Variants in C5orf46 observed in about 807,000 individuals in gnomAD.
The protein encoded by C5orf46 is uncharacterized protein C5orf46.
A neutral mutation model predicts 8.9 loss-of-function variants in C5orf46; 9 were observed. That is an observed-to-expected ratio of 1.01 (90% CI 0.61 to 1.76). The LOEUF (loss-of-function observed/expected upper bound fraction) is 1.76, where lower values mean the gene tolerates loss of function less well. Among genes scored for constraint, C5orf46 ranks in the 40% most tolerant of loss-of-function variants. The pLI, the probability that C5orf46 is intolerant of heterozygous loss-of-function variation, is 0.00. For missense variants in C5orf46, 98 were observed against 107.8 expected (o/e 0.91, Z 0.40); for synonymous variants, 47 against 41.4 (o/e 1.14, Z -0.52).
chr5:147,888,675 A>G (rs897556880), downstream of C5orf46, among the ~76,000 whole-genome samples: 4 of 152,148 alleles, frequency 2.6e-5, no homozygotes, highest in Non-Finnish European at 4.4e-5. Context: ...CACATCTGTG[A>G]CAGCTTCCAA....
downstream of C5orf46, among the ~76,000 whole-genome samples, chr5:147,890,441 A>C (rs542919632): frequency 4.6e-5 from 7 of 152,320 alleles, no homozygotes; most frequent in African/African-American, 1.7e-4. Flanking sequence ...ATTACATTTT[A>C]ATGAAGGTAG....
At chr5:147,891,604 T>C (rs1047261034), downstream of C5orf46, among the ~76,000 whole-genome samples, 1 of 152,124 alleles carries the variant, frequency 6.6e-6, no homozygotes, top group Non-Finnish European at 1.5e-5. Flanking sequence ...CACATATAAG[T>C]AGTGTATTAA....
At chr5:147,887,441 C>A (rs1290206471) in intron 2 of C5orf46, 1 of 152,250 alleles carries the variant, frequency 6.6e-6, no homozygotes, top group East Asian at 1.9e-4. Context: ...TTAACTCTCT[C>A]ATTATCAAAT....
chr5:147,899,377 G>A (rs1212304196), intron 2 of C5orf46, among the ~76,000 whole-genome samples: 4 of 152,148 alleles, frequency 2.6e-5, no homozygotes, highest in Non-Finnish European at 5.9e-5. Context: ...GTCTTCCCTT[G>A]AGCAGGGAGT....
rs371515729 is a variant in C5orf46 at position 147,896,590 on chromosome 5, TCTC to T, written c.*9+391_*9+393del. 3.6e-3 allele frequency among the ~76,000 whole-genome samples: 548 copies of T among 152,266 alleles called. 4 individuals carry two copies. The highest frequency in any genetic ancestry group is 0.013 in the African/African-American group (531 of 41,562). ...GTGAGATAGAAAGTTTGTTATCCTTTCTCTCTGAATTAGGTTCAGCAAATTTCA... is the reference window on the plus strand; with the variant it reads ...GTGAGATAGAAAGTTTGTTATCCTTTTCTGAATTAGGTTCAGCAAATTTCA... On this transcript the variant is annotated intron_variant, in intron 3 of 3. Coordinates refer to ENST00000318315, the MANE Select transcript of C5orf46 (RefSeq NM_206966.3).
chr5:147,895,762 T>A (rs1757570059), intron 3 of C5orf46, among the ~76,000 whole-genome samples: 1 of 152,158 alleles, frequency 6.6e-6, no homozygotes, highest in Non-Finnish European at 1.5e-5. Context: ...AAGATGGGAA[T>A]GAAGACATAC....
chr5:147,900,897 T>C (rs1038146879), intron 2 of C5orf46, among the ~76,000 whole-genome samples: 1 of 152,156 alleles, frequency 6.6e-6, no homozygotes, highest in Non-Finnish European at 1.5e-5. Context: ...TACAGTGTAG[T>C]AGTGTCAAAT....
chr5:147,902,452 T>A (rs1214190521), intron 1 of C5orf46, among the ~76,000 whole-genome samples: 2 of 152,098 alleles, frequency 1.3e-5, no homozygotes, highest in East Asian at 3.9e-4. Context: ...ACCCTGTCTC[T>A]GAGAAATAAA....
intron 3 of C5orf46, among the ~76,000 whole-genome samples, chr5:147,895,234 T>C (rs1231506881): frequency 6.6e-6 from 1 of 151,676 alleles, no homozygotes; most frequent in Non-Finnish European, 1.5e-5. Flanking sequence ...AGGCCAGGAG[T>C]TCAACACCAG....
In C5orf46 at chr5:147,903,161, C is replaced by G. The variant is rs144206502; in HGVS notation, c.71-1388G>C. On this transcript the variant is annotated intron_variant, in intron 1 of 3. Coordinates refer to ENST00000318315, the MANE Select transcript of C5orf46 (RefSeq NM_206966.3). ...AAGAGTGACAGTAGCTACATGTGGT[C>G]GCCCCTCTGAGCCCTGGTCACAGGA... 9.9e-4 allele frequency among the ~76,000 whole-genome samples: 151 copies of G among 152,226 alleles called. 1 individual carries two copies. Among genetic ancestry groups the G allele is most frequent in the African/African-American group, 3.5e-3 (147 of 41,522 alleles).
intron 2 of C5orf46, among the ~76,000 whole-genome samples, chr5:147,899,672 T>C (rs1757638088): frequency 6.6e-6 from 1 of 152,302 alleles, no homozygotes; most frequent in South Asian, 2.1e-4. Flanking sequence ...ACAAATATTA[T>C]GACACTGTAA....
chr5:147,901,960 A>T (rs1757678773), intron 1 of C5orf46, among the ~76,000 whole-genome samples, 187 bp from the exon 2 acceptor site: 1 of 152,186 alleles, frequency 6.6e-6, no homozygotes, highest in Non-Finnish European at 1.5e-5. Flanking sequence ...ATTTATTTGT[A>T]AAAACAAACA....
chr5:147,893,907 A>ATAT (rs1757542484), intron 3 of C5orf46, among the ~76,000 whole-genome samples: 1 of 142,806 alleles, frequency 7.0e-6, no homozygotes, highest in African/African-American at 2.5e-5. Flanking sequence ...GGGAAGGCAT[A>ATAT]TTTTTTTTTT....
chr5:147,896,399 A>G (rs1219198768), intron 3 of C5orf46, among the ~76,000 whole-genome samples: 1 of 152,204 alleles, frequency 6.6e-6, no homozygotes, highest in African/African-American at 2.4e-5. Context: ...AATGCCTAAA[A>G]CAGAGTAAGA....
chr5:147,892,357 TTTA>T (rs1329307616), downstream of C5orf46, among the ~76,000 whole-genome samples: 2 of 152,220 alleles, frequency 1.3e-5, no homozygotes, highest in African/African-American at 4.8e-5. Context: ...AGGCAATGAT[TTTA>T]TTAATTTTAA....
Position 147,901,661 on chromosome 5 carries a change from G to A in C5orf46, c.183C>T (p.Val61=), listed in dbSNP as rs137923058. 27 of 1,613,892 alleles carry A rather than the reference G, an allele frequency of 1.7e-5. 1 individual carries two copies. Among genetic ancestry groups the A allele is most frequent in the Admixed American group, 6.7e-5 (4 of 59,998 alleles). Residue 61 remains valine, a synonymous_variant, in exon 2 of 4, where the codon GTC becomes GTT. Transcript: ENST00000318315. ...LLGTEIIENA[V]EFILRSMSRS... ...TGGACATGGAGCGGAGGATGAACTCGACTGCATTCTCAATGATCTCTGTGC... is the reference window on the plus strand; with the variant it reads ...TGGACATGGAGCGGAGGATGAACTCAACTGCATTCTCAATGATCTCTGTGC...
intron 2 of C5orf46, 37 bp downstream of exon 2, chr5:147,901,592 G>A: frequency 6.2e-7 from 1 of 1,601,364 alleles, no homozygotes; most frequent in Non-Finnish European, 8.5e-7. Context: ...TATCAACAGA[G>A]AATTGGACAA....
Position 147,901,752 on chromosome 5 carries a change from T to C in C5orf46, c.92A>G (p.Asp31Gly), listed in dbSNP as rs775416789. 6.2e-7 allele frequency: 1 copy of C among 1,613,862 alleles called. No individual in the cohort carries two copies. Among genetic ancestry groups the C allele is most frequent in the Non-Finnish European group, 8.5e-7 (1 of 1,179,908 alleles). The change falls in exon 2 of 4, where the codon GAC becomes GGC. Residue 31 changes from aspartate (D) to glycine (G), a missense_variant. Physicochemically the swap from Asp to Gly is moderately conservative, Grantham distance 94. Coordinates refer to ENST00000318315, the MANE Select transcript of C5orf46 (RefSeq NM_206966.3). ...CYADDKPDKP[D>G]DKPDDSGKDP... ...TTTGCCCGAGTCGTCTGGCTTGTCG[T>C]CTGGCTTGTCTGGTTTGTCGTCTGA...
In C5orf46 at chr5:147,902,987, A is replaced by G. The variant is rs537117529; in HGVS notation, c.71-1214T>C. ...AGACAGTAAGAAAAATGCTAAGATG[A>G]TAACTGCAGGCCTCTTAACACTAGA... On this transcript the variant is annotated intron_variant, in intron 1 of 3. Coordinates refer to ENST00000318315, the MANE Select transcript of C5orf46 (RefSeq NM_206966.3). Among the ~76,000 whole-genome samples the G allele has an allele frequency of 2.0e-5, 3 of 152,316 alleles. No individual in the cohort carries two copies. In the South Asian group the frequency reaches 6.2e-4, roughly 32 times the overall value.
Sources: allele counts gnomAD v4.1 joint callset (sites outside exome capture counted in the v4.1 genomes callset), GRCh38; gene constraint gnomAD v4.1.1; transcripts MANE v1.5; gene names NCBI Gene and HGNC (gene_info 2026-07-23, HGNC 2026-07-21).